The following BRINP2 variants were observed in gnomAD, a reference collection of about 807,000 sequenced individuals.
The protein encoded by BRINP2 is BMP/retinoic acid inducible neural specific 2, also known as BMP/retinoic acid-inducible neural-specific protein 2.
Under a neutral mutation model 69.2 loss-of-function variants are expected in BRINP2, and 21 were observed. The observed-to-expected ratio is 0.30, with a 90% CI of 0.22 to 0.44. The LOEUF is 0.44. Among genes scored for constraint, BRINP2 ranks in the 20% least tolerant of loss-of-function variants. The pLI is 1.00. For missense variants in BRINP2, 877 were observed against 986.0 expected (o/e 0.89, Z 1.48); for synonymous variants, 380 against 394.1 (o/e 0.96, Z 0.42).
At chr1:177,227,953 C>T (rs1295990752) in intron 1 of BRINP2, among the ~76,000 whole-genome samples, 1 of 152,050 alleles carries the variant, frequency 6.6e-6, no homozygotes, top group African/African-American at 2.4e-5. Context: ...TTCTTTCAGC[C>T]CCCACCTCTA....
intron 3 of BRINP2, chr1:177,256,887 T>C: frequency 8.1e-7 from 1 of 1,236,002 alleles, no homozygotes; most frequent in South Asian, 1.6e-5. Flanking sequence ...GTGTCTCCCC[T>C]ATGAAGATGG....
intron 1 of BRINP2, among the ~76,000 whole-genome samples, chr1:177,209,643 G>A (rs1366469321): frequency 1.3e-5 from 2 of 152,192 alleles, no homozygotes; most frequent in Non-Finnish European, 2.9e-5. Flanking sequence ...CCAAGTGTGA[G>A]ACACTGAGAT....
intron 7 of BRINP2, among the ~76,000 whole-genome samples, chr1:177,279,414 C>T (rs1280103884): frequency 1.3e-5 from 2 of 152,148 alleles, no homozygotes; most frequent in African/African-American, 4.8e-5. Flanking sequence ...GGTGGTAGAA[C>T]ATAAATCAAA....
At chr1:177,244,510 G>A (rs559965392) in intron 2 of BRINP2, among the ~76,000 whole-genome samples, 39 of 152,188 alleles carry the variant, frequency 2.6e-4, no homozygotes, top group African/African-American at 7.2e-4. Context: ...TGTGCCTGTC[G>A]TCCCAGCTAC....
intron 1 of BRINP2, among the ~76,000 whole-genome samples, chr1:177,178,211 C>T (rs556654249): frequency 6.6e-6 from 1 of 152,314 alleles, no homozygotes; most frequent in Admixed American, 6.5e-5. Context: ...CCCTTGAAGG[C>T]TAGCCAGTCC....
At chr1:177,176,040 G>A (rs1648078090) in intron 1 of BRINP2, among the ~76,000 whole-genome samples, 2 of 152,222 alleles carry the variant, frequency 1.3e-5, no homozygotes, top group Non-Finnish European at 2.9e-5. Flanking sequence ...TAGGATGCAG[G>A]TCAGCCCCTC....
chr1:177,257,227 CAG>C lies in BRINP2; in HGVS notation c.516_517del (p.Glu172AspfsTer66). The C allele has an allele frequency of 6.2e-7, 1 of 1,614,094 alleles. No individual in the cohort carries two copies. The highest frequency in any genetic ancestry group is 8.5e-7 in the Non-Finnish European group (1 of 1,180,026). ...GACAAGCAGAAACTGGGAAGAAAGA[CAG>C]AGACAACAGGAGGTGCCTCTATAAT... On this transcript the variant is annotated frameshift_variant, in exon 4 of 8. Coordinates refer to ENST00000361539, the MANE Select transcript of BRINP2 (RefSeq NM_021165.4). LOFTEE classifies it high-confidence loss of function.
At chr1:177,255,880 C>A (rs199835029) in intron 2 of BRINP2, 39 bp from the exon 3 acceptor site, 2 of 1,594,344 alleles carry the variant, frequency 1.3e-6, no homozygotes, top group Non-Finnish European at 1.7e-6. Context: ...TGCTCTGAAA[C>A]GAGGTCAGCT....
rs904557773 is a variant in BRINP2 at position 177,280,468 on chromosome 1, C to T, written c.1292C>T (p.Thr431Ile). 1.2e-6 allele frequency: 2 copies of T among 1,614,108 alleles called. No homozygotes were observed. The highest frequency in any genetic ancestry group is 1.3e-5 in the African/African-American group (1 of 75,056). ...TCCCTCCTCTACTGTGGGGAAAGCA[C>T]CTTTCCTGGCACTTTCCTGGAACAG... is the stretch of plus-strand genomic sequence containing the variant. Reference protein sequence around the residue: ...IQSLLYCGESTFPGTFLEQSH... With the variant: ...IQSLLYCGESIFPGTFLEQSH... The change falls in exon 8 of 8, where the codon ACC becomes ATC. Residue 431 changes from threonine (T) to isoleucine (I), a missense_variant. This residue lies in a region of BRINP2 where 566 missense variants were observed against 625.2 expected (regional missense o/e 0.91). Transcript: ENST00000361539.
chr1:177,238,169 C>A (rs1650086917), intron 2 of BRINP2, among the ~76,000 whole-genome samples: 2 of 152,184 alleles, frequency 1.3e-5, no homozygotes, highest in Admixed American at 1.3e-4. Context: ...TCCAGGAAGA[C>A]CCACGTATGC....
chr1:177,222,840 A>G, intron 1 of BRINP2, among the ~76,000 whole-genome samples: 1 of 152,146 alleles, frequency 6.6e-6, no homozygotes, highest in East Asian at 1.9e-4. Context: ...ACAGCCGATC[A>G]GGGGAGCTCA....
intron 1 of BRINP2, among the ~76,000 whole-genome samples, chr1:177,192,196 C>T (rs2102297431): frequency 6.6e-6 from 1 of 152,254 alleles, no homozygotes; most frequent in African/African-American, 2.4e-5. Flanking sequence ...CGTTACTTTT[C>T]ATCTTTGGTG....
At chr1:177,205,132 A>G (rs572259577) in intron 1 of BRINP2, among the ~76,000 whole-genome samples, 1 of 151,906 alleles carries the variant, frequency 6.6e-6, no homozygotes, top group Non-Finnish European at 1.5e-5. Flanking sequence ...TTCTTTCTTC[A>G]CCTATACTTT....
At chr1:177,209,710 G>A (rs891442919) in intron 1 of BRINP2, among the ~76,000 whole-genome samples, 5 of 151,866 alleles carry the variant, frequency 3.3e-5, no homozygotes, top group Non-Finnish European at 7.4e-5. Flanking sequence ...GAAGCTCTCC[G>A]GTAAGAACAG....
At chr1:177,225,783 G>A (rs1241565369) in intron 1 of BRINP2, among the ~76,000 whole-genome samples, 2 of 152,198 alleles carry the variant, frequency 1.3e-5, no homozygotes, top group East Asian at 3.9e-4. Flanking sequence ...TTAAAAGAAA[G>A]TTTTGAAACC....
At chr1:177,177,342 GA>G (rs1227347685) in intron 1 of BRINP2, among the ~76,000 whole-genome samples, 1 of 152,048 alleles carries the variant, frequency 6.6e-6, no homozygotes, top group Admixed American at 6.6e-5. Flanking sequence ...GACCTACCAA[GA>G]AGAAGAATGG....
Position 177,281,264 on chromosome 1 carries a change from T to C in BRINP2, c.2088T>C (p.Ala696=), listed in dbSNP as rs1651691923. 2 of 1,614,080 alleles carry C rather than the reference T, an allele frequency of 1.2e-6. No homozygotes were observed. The highest frequency in any genetic ancestry group is 1.3e-5 in the African/African-American group (1 of 74,924). ...ACAGCCTGCCCTTTGACCCAGATGC[T>C]ATCCGGGACTTAATTCTCCAGTTGG... ...FGYSLPFDPD[A]IRDLILQLDY... is the part of the protein sequence containing the mutation. Residue 696 remains alanine, a synonymous_variant, in exon 8 of 8, where the codon GCT becomes GCC. Coordinates refer to ENST00000361539, the MANE Select transcript of BRINP2 (RefSeq NM_021165.4).
intron 2 of BRINP2, among the ~76,000 whole-genome samples, chr1:177,252,867 C>G (rs1344343640): frequency 6.6e-6 from 1 of 152,114 alleles, no homozygotes; most frequent in Non-Finnish European, 1.5e-5. Context: ...ATTACGTCCT[C>G]CAGGTTCATC....
At chr1:177,235,754 C>G (rs2102329437) in intron 2 of BRINP2, among the ~76,000 whole-genome samples, 1 of 152,224 alleles carries the variant, frequency 6.6e-6, no homozygotes, top group East Asian at 1.9e-4. Flanking sequence ...TGGGTAAATC[C>G]CAGTGATTTC....
Sources: gnomAD v4.1 joint callset for allele counts (sites outside exome capture counted in the v4.1 genomes callset) on GRCh38, gnomAD v4.1.1 for gene constraint, gnomAD v4.1.1 regional missense constraint, MANE v1.5 for transcripts, NCBI Gene and HGNC (gene_info 2026-07-23, HGNC 2026-07-21) for gene names.